The following LINGO2 variants were observed in gnomAD, a reference collection of about 807,000 sequenced individuals.
LINGO2 encodes the protein leucine rich repeat and Ig domain containing 2.
Under a neutral mutation model 30.6 loss-of-function variants are expected in LINGO2, and 14 were observed. The ratio of observed to expected loss-of-function variants is 0.46; its 90% CI spans 0.30 to 0.72. The LOEUF (loss-of-function observed/expected upper bound fraction) is 0.72, where lower values mean the gene tolerates loss of function less well. Among genes scored for constraint, LINGO2 ranks in the 30% least tolerant of loss-of-function variants. The pLI, the probability that LINGO2 is intolerant of heterozygous loss-of-function variation, is 0.07. For synonymous variants in LINGO2, 317 were observed against 288.5 expected (o/e 1.10, Z -1.00); for missense variants, 729 against 751.7 (o/e 0.97, Z 0.35).
chr9:28,071,570 A>G (rs779700356), intron 4 of LINGO2, among the ~76,000 whole-genome samples: 1 of 151,534 alleles, frequency 6.6e-6, no homozygotes, highest in Non-Finnish European at 1.5e-5. Context: ...ATACATTTAT[A>G]ATCATACGAG....
the LINGO2 span, among the ~76,000 whole-genome samples, chr9:28,715,517 G>C: frequency 6.6e-6 from 1 of 152,030 alleles, no homozygotes; most frequent in South Asian, 2.1e-4. Flanking sequence ...GAAGTGGAAG[G>C]GTCCAGTGGA....
chr9:29,063,971 G>A, the LINGO2 span, among the ~76,000 whole-genome samples: 1 of 152,242 alleles, frequency 6.6e-6, no homozygotes, highest in East Asian at 1.9e-4. Flanking sequence ...CTCAATGAAA[G>A]AAAGTCAGTT....
intron 1 of LINGO2, among the ~76,000 whole-genome samples, chr9:28,554,540 A>G (rs1292517135): frequency 2.7e-5 from 4 of 147,876 alleles, no homozygotes; most frequent in African/African-American, 5.0e-5. Context: ...ACTCCCACAC[A>G]TTAATAATGG....
chr9:27,942,508 A>G, the LINGO2 span: 12 of 152,186 alleles, frequency 7.9e-5, no homozygotes, highest in African/African-American at 2.9e-4. Flanking sequence ...GTTAAAAAAA[A>G]CATGCCCACA....
chr9:28,737,422 A>G, the LINGO2 span, among the ~76,000 whole-genome samples: 1 of 152,198 alleles, frequency 6.6e-6, no homozygotes, highest in East Asian at 1.9e-4. Context: ...GCTTTAAGCT[A>G]CTAAGTCTTG....
chr9:28,296,299 T>C (rs1304199082), intron 3 of LINGO2, among the ~76,000 whole-genome samples: 1 of 152,136 alleles, frequency 6.6e-6, no homozygotes, highest in Non-Finnish European at 1.5e-5. Context: ...CTTCCCAGGG[T>C]AGCTCTTAAA....
intron 3 of LINGO2, among the ~76,000 whole-genome samples, chr9:28,319,865 A>G (rs1474780959): frequency 1.3e-5 from 2 of 152,156 alleles, no homozygotes; most frequent in Non-Finnish European, 2.9e-5. Context: ...TGTAAATTAC[A>G]TGCAAGAAAA....
At chr9:29,027,486 C>A in the LINGO2 span, among the ~76,000 whole-genome samples, 1 of 152,002 alleles carries the variant, frequency 6.6e-6, no homozygotes, top group Non-Finnish European at 1.5e-5. Context: ...TACAGGCACA[C>A]GCCACCACAC....
intron 5 of LINGO2, among the ~76,000 whole-genome samples, chr9:27,998,073 C>T (rs116309093): frequency 4.3e-4 from 66 of 152,240 alleles, no homozygotes; most frequent in African/African-American, 1.5e-3. Flanking sequence ...TCCAAGATAA[C>T]GGCCATCAAT....
chr9:28,179,287 T>TAC (rs1411141803), intron 4 of LINGO2, among the ~76,000 whole-genome samples: 2 of 146,126 alleles, frequency 1.4e-5, no homozygotes, highest in Non-Finnish European at 3.0e-5. Context: ...ACTATATATA[T>TAC]ACCATATATA....
At chr9:29,037,102 A>G in the LINGO2 span, among the ~76,000 whole-genome samples, 1 of 151,794 alleles carries the variant, frequency 6.6e-6, no homozygotes, top group Non-Finnish European at 1.5e-5. Context: ...TGTCCCCACT[A>G]CAAATAACTT....
the LINGO2 span, among the ~76,000 whole-genome samples, chr9:28,956,131 G>A: frequency 6.6e-6 from 1 of 152,066 alleles, no homozygotes; most frequent in African/African-American, 2.4e-5. Flanking sequence ...AGTGGGGAGT[G>A]GTCAATAAGA....
the LINGO2 span, among the ~76,000 whole-genome samples, chr9:28,981,914 A>G: frequency 6.6e-6 from 1 of 152,108 alleles, no homozygotes; most frequent in Non-Finnish European, 1.5e-5. Context: ...TGAAATTTGG[A>G]AACCCAGATG....
At chr9:29,054,501 T>C in the LINGO2 span, among the ~76,000 whole-genome samples, 1 of 152,192 alleles carries the variant, frequency 6.6e-6, no homozygotes, top group African/African-American at 2.4e-5. Flanking sequence ...CCTACTTTCA[T>C]TTAGTACCTG....
chr9:28,148,544 A>T lies in LINGO2; in HGVS notation c.-86-136139T>A. On this transcript the variant is annotated intron_variant, in intron 4 of 5. Transcript: ENST00000379992. This position sits in a 1 kb window ranked among gnomAD's most constrained non-coding sequence, Gnocchi z 5.1. ...CTGTAGCAATGGGGAAGCAGCTTCCACCTCTAGGCCCCTGGAGACTCAGGG... is the reference window on the plus strand; with the variant it reads ...CTGTAGCAATGGGGAAGCAGCTTCCTCCTCTAGGCCCCTGGAGACTCAGGG... The T allele has an allele frequency of 6.7e-7, 1 of 1,486,832 alleles. No homozygotes were observed. Among genetic ancestry groups the T allele is most frequent in the Non-Finnish European group, 9.1e-7 (1 of 1,103,580 alleles). 92.1% of individuals were successfully genotyped at this position (1,486,832 alleles called of 1,614,324 possible).
At chr9:28,800,863 G>A in the LINGO2 span, among the ~76,000 whole-genome samples, 4 of 152,064 alleles carry the variant, frequency 2.6e-5, no homozygotes, top group African/African-American at 9.7e-5. Flanking sequence ...TGAGTATATA[G>A]TTATTTCCCA....
chr9:28,376,354 T>C (rs1821131594), intron 2 of LINGO2, among the ~76,000 whole-genome samples: 1 of 152,182 alleles, frequency 6.6e-6, no homozygotes, highest in African/African-American at 2.4e-5. Flanking sequence ...ACTAATCTTC[T>C]TCTAAGAGGT....
chr9:28,576,262 A>G (rs2135622778), intron 1 of LINGO2, among the ~76,000 whole-genome samples: 1 of 152,374 alleles, frequency 6.6e-6, no homozygotes, highest in Admixed American at 6.5e-5. Flanking sequence ...GCATCACAAA[A>G]GAATGTTCAA....
chr9:28,541,784 A>C (rs1290980190), intron 1 of LINGO2, among the ~76,000 whole-genome samples: 1 of 152,134 alleles, frequency 6.6e-6, no homozygotes, highest in Non-Finnish European at 1.5e-5. Context: ...GAACCCACCT[A>C]TTATGTTCTT....
Sources: allele counts gnomAD v4.1 joint callset (sites outside exome capture counted in the v4.1 genomes callset), GRCh38; gene constraint gnomAD v4.1.1; non-coding constraint Gnocchi (gnomAD v3.1); transcripts MANE v1.5; gene names NCBI Gene and HGNC (gene_info 2026-07-23, HGNC 2026-07-21).